The following FAM240B variants were observed in gnomAD, a reference collection of about 807,000 sequenced individuals.
The protein encoded by FAM240B is family with sequence similarity 240 member B.
At chr9:38,698,782 A>G (rs1821092947) in intron 2 of FAM240B, among the ~76,000 whole-genome samples, 1 of 152,220 alleles carries the variant, frequency 6.6e-6, no homozygotes, top group Admixed American at 6.5e-5. Context: ...GCAGTTATAC[A>G]CTATTGCTAA....
At chr9:38,714,310 C>T (rs1821287266) in intron 1 of FAM240B, among the ~76,000 whole-genome samples, 1 of 152,144 alleles carries the variant, frequency 6.6e-6, no homozygotes, top group African/African-American at 2.4e-5. Flanking sequence ...CAGGCAGAAT[C>T]CATTGATCAG....
rs1821043794 is a variant in FAM240B, at chr9:38,694,535, T to C, written c.*241A>G. On this transcript the variant is annotated 3_prime_UTR_variant, in exon 3 of 3. Transcript: ENST00000637493. ...GAGAGTGCTAATTCCAAGAGCTCTT[T>C]TATTAAATAGCCCAAGCGTCCTATC... 2 of 362,114 alleles carry C rather than the reference T, an allele frequency of 5.5e-6. No homozygotes were observed. The allele number at this position is 362,114 out of a possible 1,614,324, so 22.4% of individuals were successfully genotyped here.
intron 1 of FAM240B, among the ~76,000 whole-genome samples, chr9:38,717,865 T>TG (rs1821326930): frequency 6.6e-6 from 1 of 152,212 alleles, no homozygotes. Flanking sequence ...TTTGTGCACA[T>TG]GGTAAAATAT....
At chr9:38,719,044 C>A (rs1821341892) in intron 1 of FAM240B, among the ~76,000 whole-genome samples, 1 of 151,884 alleles carries the variant, frequency 6.6e-6, no homozygotes, top group South Asian at 2.1e-4. Context: ...CTCTAATAGT[C>A]AGGAAAAAAT....
chr9:38,701,249 G>A (rs1297714754), intron 2 of FAM240B, among the ~76,000 whole-genome samples: 3 of 152,102 alleles, frequency 2.0e-5, no homozygotes, highest in East Asian at 3.9e-4. Flanking sequence ...AGGGACTCAG[G>A]GGTCTATGAT....
rs1206272147 is a variant in FAM240B at position 38,719,247 on chromosome 9, C to G, written c.-4+775G>C. 4.0e-5 allele frequency among the ~76,000 whole-genome samples: 6 copies of G among 151,688 alleles called. No individual in the cohort carries two copies. The South Asian group carries it at 6.3e-4, about 16-fold the overall frequency. On this transcript the variant is annotated intron_variant, in intron 1 of 2. Coordinates refer to ENST00000637493, the MANE Select transcript of FAM240B (RefSeq NM_001394922.1). Reference sequence around the variant, plus strand: ...GCAATTCTGTTTCTCTGCATCCCCCCCCACCCCCAGCAAAAGTAGTTTTTT... The same window carrying G: ...GCAATTCTGTTTCTCTGCATCCCCCGCCACCCCCAGCAAAAGTAGTTTTTT...
chr9:38,699,483 A>C (rs777856252), intron 2 of FAM240B, among the ~76,000 whole-genome samples: 1 of 152,192 alleles, frequency 6.6e-6, no homozygotes, highest in Non-Finnish European at 1.5e-5. Context: ...AGAGGGGGGA[A>C]GTAACGATTG....
chr9:38,695,555 A>G (rs1461813286), intron 2 of FAM240B, among the ~76,000 whole-genome samples: 1 of 152,230 alleles, frequency 6.6e-6, no homozygotes, highest in East Asian at 1.9e-4. Flanking sequence ...AATGCTTTTT[A>G]CAAATGAATA....
Position 38,711,930 on chromosome 9 carries a change from A to G in FAM240B, c.-3-7928T>C, listed in dbSNP as rs112087475. On this transcript the variant is annotated intron_variant, in intron 1 of 2. Coordinates refer to ENST00000637493, the MANE Select transcript of FAM240B (RefSeq NM_001394922.1). ...CTCGGCCTCCCAAAGTGCTGGGATT[A>G]CAGACATTTTCTTTTTAACTTCCCC... Among the ~76,000 whole-genome samples the G allele has an allele frequency of 6.6e-3, 1,007 of 152,210 alleles. 15 individuals carry two copies. The highest frequency in any genetic ancestry group is 0.023 in the African/African-American group (951 of 41,520).
intron 1 of FAM240B, among the ~76,000 whole-genome samples, chr9:38,712,337 T>C (rs927377150): frequency 6.6e-6 from 1 of 152,150 alleles, no homozygotes; most frequent in African/African-American, 2.4e-5. Context: ...TTTTATCACA[T>C]GAAAAATGCA....
intron 1 of FAM240B, among the ~76,000 whole-genome samples, chr9:38,710,030 C>G (rs1305934899): frequency 1.3e-5 from 2 of 152,158 alleles, no homozygotes; most frequent in African/African-American, 2.4e-5. Context: ...AGTGCAGTGG[C>G]TCGATCTCGG....
Position 38,694,686 on chromosome 9 carries a change from T to C in FAM240B, c.*90A>G, listed in dbSNP as rs1293541719. The C allele has an allele frequency of 1.8e-5, 7 of 397,476 alleles. No homozygotes were observed. In the East Asian group the frequency reaches 2.5e-4, roughly 14 times the overall value. 24.6% of individuals were successfully genotyped at this position (397,476 alleles called of 1,614,324 possible). ...GGAAGCACAAATAGAGAGCGTCCTGTTTAGTAAATCAGCACAACTTGAGTG... is the reference window on the plus strand; with the variant it reads ...GGAAGCACAAATAGAGAGCGTCCTGCTTAGTAAATCAGCACAACTTGAGTG... On this transcript the variant is annotated 3_prime_UTR_variant, in exon 3 of 3. Transcript: ENST00000637493.
Position 38,701,132 on chromosome 9 carries a change from G to GAATTTA in FAM240B, c.143+2719_143+2724dup, listed in dbSNP as rs1193802039. On this transcript the variant is annotated intron_variant, in intron 2 of 2. Transcript: ENST00000637493. ...ATTTGCCTTTTATAAATGGAGGGTA[G>GAATTTA]AATTTAAAAAGGTCTGTGTGTTACG... 3.9e-5 allele frequency among the ~76,000 whole-genome samples: 6 copies of GAATTTA among 152,278 alleles called. No homozygotes were observed. The East Asian group carries it at 1.2e-3, about 29-fold the overall frequency.
chr9:38,716,935 G>A (rs889164836), intron 1 of FAM240B, among the ~76,000 whole-genome samples: 1 of 152,192 alleles, frequency 6.6e-6, no homozygotes, highest in African/African-American at 2.4e-5. Flanking sequence ...TTGTGGGGTG[G>A]ATGTCCCACA....
intron 1 of FAM240B, among the ~76,000 whole-genome samples, chr9:38,714,686 G>A (rs1032553480): frequency 3.9e-5 from 6 of 152,216 alleles, no homozygotes; most frequent in African/African-American, 7.2e-5. Flanking sequence ...GTCTATTCAT[G>A]AGAAAACTGA....
chr9:38,717,151 G>A (rs1821313223), intron 1 of FAM240B, among the ~76,000 whole-genome samples: 1 of 152,288 alleles, frequency 6.6e-6, no homozygotes, highest in African/African-American at 2.4e-5. Flanking sequence ...TAGGGGCTTC[G>A]GCTTCCCTCT....
At chr9:38,699,726 G>T (rs1380872317) in intron 2 of FAM240B, among the ~76,000 whole-genome samples, 2 of 152,176 alleles carry the variant, frequency 1.3e-5, no homozygotes, top group Non-Finnish European at 2.9e-5. Flanking sequence ...AGTCAACTAT[G>T]CTCCCAAAGC....
chr9:38,710,958 C>CAAGCTG (rs1321418964), intron 1 of FAM240B, among the ~76,000 whole-genome samples: 4 of 152,082 alleles, frequency 2.6e-5, no homozygotes, highest in Admixed American at 2.6e-4. Context: ...CTCCCAAGCC[C>CAAGCTG]GTGTCATCAC....
chr9:38,703,605 A>T (rs1330881738), intron 2 of FAM240B, among the ~76,000 whole-genome samples: 1 of 152,174 alleles, frequency 6.6e-6, no homozygotes, highest in East Asian at 1.9e-4. Context: ...GCCCTGTGGG[A>T]CATGCATGTG....
Sources: gnomAD v4.1 joint callset for allele counts (sites outside exome capture counted in the v4.1 genomes callset) on GRCh38, gnomAD v4.1.1 for gene constraint, MANE v1.5 for transcripts, NCBI Gene and HGNC (gene_info 2026-07-23, HGNC 2026-07-21) for gene names.